The following ANKS1B variants were observed in gnomAD, a reference collection of about 807,000 sequenced individuals.
ANKS1B encodes ankyrin repeat and sterile alpha motif domain containing 1B, also known as ankyrin repeat and sterile alpha motif domain-containing protein 1B.
A neutral mutation model predicts 148.3 loss-of-function variants in ANKS1B; 36 were observed. The observed-to-expected ratio is 0.24, with a 90% CI of 0.19 to 0.32. The LOEUF is 0.32. Ranked by LOEUF, ANKS1B falls within the 10% of genes least tolerant of loss-of-function variation. The pLI, the probability that ANKS1B is intolerant of heterozygous loss-of-function variation, is 1.00. For missense variants in ANKS1B, 1,157 were observed against 1,542.6 expected (o/e 0.75, Z 4.19); for synonymous variants, 542 against 560.8 (o/e 0.97, Z 0.47).
At chr12:99,403,138 G>A (rs2094448158) in intron 11 of ANKS1B, among the ~76,000 whole-genome samples, 2 of 118,086 alleles carry the variant, frequency 1.7e-5, no homozygotes, top group Non-Finnish European at 3.6e-5. Context: ...AGCAGTGTCT[G>A]TTCACTTTTC....
intron 19 of ANKS1B, among the ~76,000 whole-genome samples, chr12:98,811,099 T>C (rs1436353812): frequency 6.6e-6 from 1 of 152,168 alleles, no homozygotes; most frequent in Non-Finnish European, 1.5e-5. Flanking sequence ...AACGTTAACA[T>C]GGTCTCCCAT....
At chr12:99,126,895 C>T (rs2064543147) in intron 15 of ANKS1B, among the ~76,000 whole-genome samples, 1 of 151,700 alleles carries the variant, frequency 6.6e-6, no homozygotes, top group African/African-American at 2.4e-5. Context: ...GATGGTGGTA[C>T]CAAATGTATA....
intron 12 of ANKS1B, among the ~76,000 whole-genome samples, chr12:99,263,924 A>G (rs1258022765): frequency 6.6e-6 from 1 of 152,058 alleles, no homozygotes; most frequent in Admixed American, 6.6e-5. Context: ...GACTAATACA[A>G]TTACATATCT....
intron 1 of ANKS1B, among the ~76,000 whole-genome samples, chr12:99,931,925 C>T (rs2094627632): frequency 6.6e-6 from 1 of 152,070 alleles, no homozygotes; most frequent in Admixed American, 6.6e-5. Flanking sequence ...TGCCCTACTC[C>T]CCTTCCCAGC....
chr12:99,830,972 T>C (rs2083903403), intron 1 of ANKS1B, among the ~76,000 whole-genome samples: 1 of 152,180 alleles, frequency 6.6e-6, no homozygotes, highest in African/African-American at 2.4e-5. Context: ...CTCTCCCTAA[T>C]TATTCAGTCA....
At chr12:99,672,984 C>T (rs566924131) in intron 8 of ANKS1B, among the ~76,000 whole-genome samples, 3 of 152,026 alleles carry the variant, frequency 2.0e-5, no homozygotes, top group Non-Finnish European at 4.4e-5. Flanking sequence ...ACTGATTTTA[C>T]ATAAAATCAA....
chr12:98,857,654 A>G (rs527776883), intron 17 of ANKS1B, among the ~76,000 whole-genome samples: 56 of 152,040 alleles, frequency 3.7e-4, no homozygotes, highest in Non-Finnish European at 7.2e-4. Context: ...TGAATAAATG[A>G]ATGAATGAAT....
At chr12:99,649,393 A>G in intron 9 of ANKS1B, 1 of 1,608,108 alleles carries the variant, frequency 6.2e-7, no homozygotes, top group Non-Finnish European at 8.5e-7. Flanking sequence ...TACAATAGAG[A>G]TATGAATCCA....
At chr12:99,109,914 G>A (rs879635731) in intron 15 of ANKS1B, among the ~76,000 whole-genome samples, 4 of 152,170 alleles carry the variant, frequency 2.6e-5, no homozygotes, top group Admixed American at 2.6e-4. Flanking sequence ...GCTTTAAGAT[G>A]AGGAAAGGAA....
intron 1 of ANKS1B, among the ~76,000 whole-genome samples, chr12:99,878,120 G>A (rs955829669): frequency 6.6e-6 from 1 of 152,104 alleles, no homozygotes; most frequent in Non-Finnish European, 1.5e-5. Context: ...GAAATCCAGA[G>A]ACAGGTAGTT....
intron 1 of ANKS1B, among the ~76,000 whole-genome samples, chr12:99,896,338 G>C (rs2093385145): frequency 6.6e-6 from 1 of 151,174 alleles, no homozygotes; most frequent in African/African-American, 2.4e-5. Flanking sequence ...CTACAAATAA[G>C]TGAGATCATA....
chr12:99,515,319 A>G (rs1470515716), intron 9 of ANKS1B, among the ~76,000 whole-genome samples: 1 of 152,046 alleles, frequency 6.6e-6, no homozygotes, highest in Admixed American at 6.6e-5. Context: ...TCCCACCCTC[A>G]GACCCCCACT....
At chr12:99,054,788 C>T (rs558540130) in intron 16 of ANKS1B, among the ~76,000 whole-genome samples, 15 of 152,316 alleles carry the variant, frequency 9.8e-5, no homozygotes, top group African/African-American at 3.4e-4. Context: ...AAGTGATTCA[C>T]CTGCCTTGGC....
intron 14 of ANKS1B, among the ~76,000 whole-genome samples, chr12:99,205,141 T>G (rs1474134160): frequency 6.6e-6 from 1 of 152,228 alleles, no homozygotes; most frequent in Non-Finnish European, 1.5e-5. Context: ...AAGTTGTTTT[T>G]CTGACCTTCC....
intron 11 of ANKS1B, among the ~76,000 whole-genome samples, chr12:99,430,639 T>A (rs1160530856): frequency 2.0e-5 from 3 of 152,198 alleles, no homozygotes; most frequent in African/African-American, 7.2e-5. Context: ...GAATTAGAGT[T>A]ACTGAGCTGT....
chr12:98,898,646 T>G (rs570766242), intron 17 of ANKS1B, among the ~76,000 whole-genome samples: 1 of 152,330 alleles, frequency 6.6e-6, no homozygotes, highest in East Asian at 1.9e-4. Context: ...TAATTTCATT[T>G]TTTTGCTTAA....
intron 11 of ANKS1B, among the ~76,000 whole-genome samples, chr12:99,431,603 T>C (rs542840302): frequency 6.6e-6 from 1 of 152,292 alleles, no homozygotes; most frequent in African/African-American, 2.4e-5. Context: ...CCCCAATATA[T>C]TTGACAATGG....
At chr12:99,389,070 G>A (rs566622662) in intron 12 of ANKS1B, among the ~76,000 whole-genome samples, 3 of 152,268 alleles carry the variant, frequency 2.0e-5, no homozygotes, top group African/African-American at 7.2e-5. Flanking sequence ...CTGGAGACAG[G>A]GAGCAGGATC....
chr12:99,480,170 G>A (rs79578612), intron 10 of ANKS1B, among the ~76,000 whole-genome samples: 3,819 of 151,810 alleles, frequency 0.025, 78 homozygotes, highest in South Asian at 0.081. Flanking sequence ...TCATATTAAT[G>A]TGTAAAATAA....
Sources: allele counts gnomAD v4.1 joint callset (sites outside exome capture counted in the v4.1 genomes callset), GRCh38; gene constraint gnomAD v4.1.1; transcripts MANE v1.5; gene names NCBI Gene and HGNC (gene_info 2026-07-23, HGNC 2026-07-21).